PRH1: variants seen among roughly 807,000 people sequenced by gnomAD.
PRH1 encodes the protein salivary acidic proline-rich phosphoprotein 1/2.
A neutral mutation model predicts 7.9 loss-of-function variants in PRH1; 7 were observed. That is an observed-to-expected ratio of 0.89 (90% CI 0.50 to 1.67). PRH1 has a LOEUF of 1.67. Among genes scored for constraint, PRH1 ranks in the 40% most tolerant of loss-of-function variants. The probability of loss-of-function intolerance (pLI) is 0.00; values close to 1 mark genes in which losing one functional copy is unlikely to be tolerated. For synonymous variants in PRH1, 45 were observed against 80.8 expected, an observed-to-expected ratio of 0.56 and a Z score of 2.38; for missense variants, 109 against 223.6, an observed-to-expected ratio of 0.49 and a Z score of 3.27.
chr12:11,121,778 C>A (rs1945914102), intron 1 of PRH1, among the ~76,000 whole-genome samples: 1 of 150,400 alleles, frequency 6.6e-6, no homozygotes. Context: ...AATAAGAATT[C>A]ATAATGAAAT....
intron 1 of PRH1, among the ~76,000 whole-genome samples, chr12:11,067,335 A>G (rs1167891389): frequency 1.3e-5 from 2 of 152,202 alleles, no homozygotes; most frequent in Non-Finnish European, 2.9e-5. Flanking sequence ...TTAGAGACAC[A>G]TTTTGGGATA....
intron 1 of PRH1, among the ~76,000 whole-genome samples, chr12:11,125,003 C>T (rs1592060044): frequency 6.6e-6 from 1 of 152,244 alleles, no homozygotes; most frequent in Non-Finnish European, 1.5e-5. Context: ...CCATCACGCC[C>T]AGCTAATTTT....
intron 1 of PRH1, among the ~76,000 whole-genome samples, chr12:11,165,068 T>C (rs909010800): frequency 1.3e-5 from 2 of 152,250 alleles, no homozygotes; most frequent in African/African-American, 4.8e-5. Context: ...TGTTGTTGCA[T>C]GTAAAAGTGA....
chr12:10,900,971 T>C (rs1949714798), intron 2 of PRH1, among the ~76,000 whole-genome samples: 1 of 152,132 alleles, frequency 6.6e-6, no homozygotes, highest in Admixed American at 6.5e-5. Flanking sequence ...GAACTCTAGA[T>C]ATCTGAAGCA....
intron 1 of PRH1, among the ~76,000 whole-genome samples, chr12:10,992,032 G>A (rs1939959217): frequency 6.6e-6 from 1 of 152,102 alleles, no homozygotes; most frequent in Admixed American, 6.6e-5. Flanking sequence ...TAAACCAAGA[G>A]GGGACAAGAG....
intron 2 of PRH1, chr12:10,964,578 C>T (rs906779766): frequency 1.1e-5 from 4 of 360,334 alleles, no homozygotes; most frequent in African/African-American, 2.1e-5. Context: ...AGGACAGGTT[C>T]GTTCTACAGC....
rs749586928 is a variant in PRH1 at position 11,092,184 on chromosome 12, T to G, written n.124-44996A>C. On this transcript the variant is annotated intron_variant and non_coding_transcript_variant, in intron 1 of 4. Coordinates refer to the PRH1 transcript ENST00000541977. Reference sequence around the variant, plus strand: ...TTAGCAAAATTTCCAATAACAAATGTAACCACTACCAGACTGGAAAAAATG... The same window carrying G: ...TTAGCAAAATTTCCAATAACAAATGGAACCACTACCAGACTGGAAAAAATG... The G allele has an allele frequency of 3.8e-5, 52 of 1,350,698 alleles. 7 individuals carry two copies. The highest frequency in any genetic ancestry group is 4.7e-5 in the Non-Finnish European group (45 of 957,454). The allele number at this position is 1,350,698 out of a possible 1,614,324, so 83.7% of individuals were successfully genotyped here.
chr12:11,168,239 A>C (rs561156178), intron 1 of PRH1, among the ~76,000 whole-genome samples: 2 of 14,530 alleles, frequency 1.4e-4, no homozygotes, highest in African/African-American at 3.3e-4. Context: ...AAAGAAAGAA[A>C]GAAAGAAAGA....
chr12:10,981,695 G>A (rs1453998414), intron 1 of PRH1, among the ~76,000 whole-genome samples: 1 of 151,452 alleles, frequency 6.6e-6, no homozygotes, highest in Non-Finnish European at 1.5e-5. Flanking sequence ...TTTGTTTGTT[G>A]TTTTTGTTTG....
At chr12:11,142,353 A>C (rs1188211405) in intron 1 of PRH1, among the ~76,000 whole-genome samples, 1 of 152,192 alleles carries the variant, frequency 6.6e-6, no homozygotes, top group Non-Finnish European at 1.5e-5. Context: ...CACTCCTAAA[A>C]TATATCTGGA....
chr12:11,043,421 A>G (rs1942790595), intron 1 of PRH1, among the ~76,000 whole-genome samples: 1 of 152,208 alleles, frequency 6.6e-6, no homozygotes, highest in Admixed American at 6.5e-5. Flanking sequence ...GCTATTCAAC[A>G]TAATAGTAGA....
Position 10,908,651 on chromosome 12 carries a change from G to A in PRH1, c.-58-24376C>T, listed in dbSNP as rs143136566. On this transcript the variant is annotated intron_variant, in intron 2 of 3. Coordinates refer to the PRH1 transcript ENST00000539853. ...TGGTCCTGGGGTCTCTGTGTCCTTT[G>A]TAATTGAGTTGCATTTTCTGGAGAT... 4.0e-4 allele frequency: 651 copies of A among 1,613,846 alleles called. 1 individual carries two copies. Among genetic ancestry groups the A allele is most frequent in the Non-Finnish European group, 5.3e-4 (626 of 1,179,962 alleles).
At chr12:11,128,110 CA>C (rs71434172) in intron 1 of PRH1, among the ~76,000 whole-genome samples, 51 of 100,556 alleles carry the variant, frequency 5.1e-4, no homozygotes, top group Admixed American at 5.5e-4. Flanking sequence ...GACTCAGTCT[CA>C]AAAAAAAAAA....
intron 2 of PRH1, among the ~76,000 whole-genome samples, chr12:10,903,931 C>CAAAAAAAA (rs546066515): frequency 8.0e-4 from 25 of 31,088 alleles, no homozygotes; most frequent in East Asian, 3.0e-3. Context: ...ACAATAGCCT[C>CAAAAAAAA]AAAAAAAAAA....
At chr12:11,038,027 G>A (rs536945996) in intron 1 of PRH1, among the ~76,000 whole-genome samples, 106 of 152,372 alleles carry the variant, frequency 7.0e-4, no homozygotes, top group South Asian at 2.1e-3. Flanking sequence ...GGGCAACAGA[G>A]TGAGACGCTG....
intron 1 of PRH1, among the ~76,000 whole-genome samples, chr12:11,006,422 T>A (rs1209029768): frequency 6.7e-6 from 1 of 148,796 alleles, no homozygotes; most frequent in Non-Finnish European, 1.5e-5. Context: ...TCACCCAAGC[T>A]GGAGTGCAGT....
intron 2 of PRH1, among the ~76,000 whole-genome samples, chr12:10,914,555 T>G (rs1949947072): frequency 6.6e-6 from 1 of 152,208 alleles, no homozygotes; most frequent in African/African-American, 2.4e-5. Flanking sequence ...AGGGTTGCAG[T>G]GGCCTTTGTG....
chr12:11,020,439 T>C (rs1446190516), intron 1 of PRH1, among the ~76,000 whole-genome samples: 5 of 149,882 alleles, frequency 3.3e-5, no homozygotes, highest in Admixed American at 2.7e-4. Flanking sequence ...TGATGTGGAG[T>C]TAACTTATTT....
chr12:10,905,909 C>T (rs1949795824), intron 2 of PRH1, among the ~76,000 whole-genome samples: 1 of 152,200 alleles, frequency 6.6e-6, no homozygotes, highest in African/African-American at 2.4e-5. Flanking sequence ...GTACCTCTGA[C>T]TCCAGACTCA....
Sources: gnomAD v4.1 joint callset for allele counts (sites outside exome capture counted in the v4.1 genomes callset) on GRCh38, gnomAD v4.1.1 for gene constraint, MANE v1.5 for transcripts, NCBI Gene and HGNC (gene_info 2026-07-23, HGNC 2026-07-21) for gene names.